Variants in PDE1C observed in about 807,000 individuals in gnomAD.
PDE1C encodes the protein dual specificity calcium/calmodulin-dependent 3',5'-cyclic nucleotide phosphodiesterase 1C.
PDE1C carries 62 observed loss-of-function variants against 93.1 expected under a neutral mutation model. That is an observed-to-expected ratio of 0.67 (90% CI 0.54 to 0.82). The LOEUF (loss-of-function observed/expected upper bound fraction) is 0.82. PDE1C is among the 40% of genes least tolerant of loss of function. PDE1C has a pLI of 0.00. For missense variants in PDE1C, 742 were observed against 884.6 expected, an observed-to-expected ratio of 0.84 and a Z score of 2.04; for synonymous variants, 325 against 310.1, an observed-to-expected ratio of 1.05 and a Z score of -0.50.
chr7:31,651,892 C>G, the PDE1C span: 1 of 1,368,474 alleles, frequency 7.3e-7, no homozygotes, highest in Non-Finnish European at 1.0e-6. Context: ...AAGATTGCAC[C>G]TGGGAAGGAT....
chr7:32,113,043 A>T (rs1247154484), intron 3 of PDE1C, among the ~76,000 whole-genome samples: 1 of 149,470 alleles, frequency 6.7e-6, no homozygotes, highest in Non-Finnish European at 1.5e-5. Flanking sequence ...CTGTGCTAGA[A>T]GGAAGGTAAG....
At chr7:31,639,543 T>TTTTTTTTTTTTTTTTTTTTTG in the PDE1C span, among the ~76,000 whole-genome samples, 1 of 50,518 alleles carries the variant, frequency 2.0e-5, no homozygotes, top group African/African-American at 1.3e-4. Context: ...TTTTTGTTTT[T>TTTTTTTTTTTTTTTTTTTTTG]TTTTTTTTTT....
Position 32,347,588 on chromosome 7 carries a change from C to T in PDE1C, c.310+80234G>A, listed in dbSNP as rs74502398. Among the ~76,000 whole-genome samples the T allele has an allele frequency of 6.0e-3, 921 of 152,238 alleles. 11 individuals carry two copies. The highest frequency in any genetic ancestry group is 0.021 in the African/African-American group (879 of 41,532). On this transcript the variant is annotated intron_variant, in intron 1 of 1. Transcript: ENST00000672256. The stretch of plus-strand genomic sequence containing the variant: ...GAAAGAGCATCATGGGTGGGCCTGA[C>T]TTAATAAAGCGAGGGCCCTCCCTAA...
chr7:31,730,211 T>C, the PDE1C span, among the ~76,000 whole-genome samples: 2 of 152,302 alleles, frequency 1.3e-5, no homozygotes, highest in Admixed American at 6.5e-5. Flanking sequence ...AGTTCACCAA[T>C]AGATACTGTG....
At chr7:32,229,595 G>T (rs12531396) in intron 1 of PDE1C, among the ~76,000 whole-genome samples, 17,425 of 152,170 alleles carry the variant, frequency 0.11, 1,038 homozygotes, top group Middle Eastern at 0.15. Context: ...TTCTTCAGAG[G>T]TGAACTGACA....
At chr7:31,809,217 A>C (rs760441127) in intron 15 of PDE1C, 109 bp from the exon 16 acceptor site, 1 of 654,740 alleles carries the variant, frequency 1.5e-6, no homozygotes, top group Non-Finnish European at 2.8e-6. Context: ...TTTTATAGTC[A>C]TAAGAGTGTA....
the PDE1C span, chr7:31,697,047 C>T: frequency 1.2e-6 from 2 of 1,614,108 alleles, no homozygotes; most frequent in East Asian, 2.2e-5. Flanking sequence ...TTCTTCATAA[C>T]ACTGACCTGG....
At chr7:32,108,028 A>C (rs1798426893) in intron 3 of PDE1C, among the ~76,000 whole-genome samples, 2 of 151,564 alleles carry the variant, frequency 1.3e-5, no homozygotes, top group Admixed American at 1.3e-4. Flanking sequence ...AAATAAAATA[A>C]AATTTTGTAA....
intron 1 of PDE1C, among the ~76,000 whole-genome samples, chr7:32,279,107 A>C (rs1378778981): frequency 6.6e-6 from 1 of 152,208 alleles, no homozygotes; most frequent in African/African-American, 2.4e-5. Context: ...TCAGATAGAA[A>C]AGCCAAAATC....
At chr7:32,205,991 G>T (rs961304319) in intron 2 of PDE1C, among the ~76,000 whole-genome samples, 2 of 152,192 alleles carry the variant, frequency 1.3e-5, no homozygotes, top group African/African-American at 2.4e-5. Flanking sequence ...AAGTCAGCGA[G>T]ACCAAGAACC....
chr7:32,337,710 G>A (rs1783656578), intron 1 of PDE1C, among the ~76,000 whole-genome samples: 1 of 125,404 alleles, frequency 8.0e-6, no homozygotes, highest in South Asian at 2.8e-4. Flanking sequence ...ACAAAGAGGA[G>A]AGGAGAAAAG....
intron 2 of PDE1C, among the ~76,000 whole-genome samples, chr7:32,200,726 T>C (rs1804948994): frequency 6.6e-6 from 1 of 152,196 alleles, no homozygotes; most frequent in Non-Finnish European, 1.5e-5. Context: ...CTGTTTCTTC[T>C]GATAATCTAA....
intron 17 of PDE1C, among the ~76,000 whole-genome samples, chr7:31,772,512 CT>C (rs879788939): frequency 0.024 from 2,715 of 111,540 alleles, 81 homozygotes; most frequent in African/African-American, 0.08. Flanking sequence ...CTCTCTCTCT[CT>C]TTTTTTTTTT....
intron 1 of PDE1C, among the ~76,000 whole-genome samples, chr7:32,309,578 G>C (rs1429989719): frequency 6.6e-6 from 1 of 152,220 alleles, no homozygotes; most frequent in South Asian, 2.1e-4. Flanking sequence ...AGCCAGAAGG[G>C]AGTGGGGGCC....
chr7:32,055,683 C>T (rs1330280504), intron 1 of PDE1C, among the ~76,000 whole-genome samples: 1 of 152,210 alleles, frequency 6.6e-6, no homozygotes, highest in Non-Finnish European at 1.5e-5. Flanking sequence ...TCAACAGAAT[C>T]CCTGACTCGC....
intron 1 of PDE1C, among the ~76,000 whole-genome samples, chr7:32,245,104 C>T (rs1437188529): frequency 6.6e-6 from 1 of 152,160 alleles, no homozygotes; most frequent in East Asian, 1.9e-4. Context: ...ACCCCCAAAG[C>T]CATGCTCTTT....
At chr7:32,093,545 G>A (rs1358326348) in intron 3 of PDE1C, among the ~76,000 whole-genome samples, 1 of 152,194 alleles carries the variant, frequency 6.6e-6, no homozygotes, top group Non-Finnish European at 1.5e-5. Context: ...GAAATGTGGT[G>A]TTACTTCTCC....
chr7:32,238,898 C>T (rs1268678906), intron 1 of PDE1C, among the ~76,000 whole-genome samples: 1 of 152,096 alleles, frequency 6.6e-6, no homozygotes, highest in Non-Finnish European at 1.5e-5. Flanking sequence ...GTTATTTCCT[C>T]AGGGTATGAA....
chr7:32,089,481 G>A (rs567876686), intron 3 of PDE1C, among the ~76,000 whole-genome samples: 12 of 152,226 alleles, frequency 7.9e-5, no homozygotes, highest in East Asian at 5.8e-4. Flanking sequence ...TACCAACCAC[G>A]TCAAGCTATC....
Sources: gnomAD v4.1 joint callset for allele counts (sites outside exome capture counted in the v4.1 genomes callset) on GRCh38, gnomAD v4.1.1 for gene constraint, MANE v1.5 for transcripts, NCBI Gene and HGNC (gene_info 2026-07-23, HGNC 2026-07-21) for gene names.